AGAP1: variants seen among roughly 807,000 people sequenced by gnomAD.
AGAP1 encodes ArfGAP with GTPase domain, ankyrin repeat and PH domain 1, also known as arf-GAP with GTPase, ANK repeat and PH domain-containing protein 1.
AGAP1 carries 29 observed loss-of-function variants against 105.3 expected under a neutral mutation model. That is an observed-to-expected ratio of 0.28 (90% CI 0.21 to 0.38). The LOEUF (loss-of-function observed/expected upper bound fraction) is 0.38, where lower values mean the gene tolerates loss of function less well. AGAP1 is among the 10% of genes least tolerant of loss of function. The probability of loss-of-function intolerance (pLI) is 1.00; values close to 1 mark genes in which losing one functional copy is unlikely to be tolerated. For synonymous variants in AGAP1, 509 were observed against 485.9 expected (o/e 1.05, Z -0.63); for missense variants, 998 against 1,165.1 (o/e 0.86, Z 2.09).
rs185770990 is a variant in AGAP1, at chr2:235,993,430, G to A, written c.1645+24807G>A. On this transcript the variant is annotated intron_variant, in intron 13 of 17. Transcript: ENST00000304032. This position sits in a 1 kb window ranked among gnomAD's most constrained non-coding sequence, Gnocchi z 5.0. ...TGAAAGTCCAGCACAGTGTGTGCAC[G>A]TGGTATGTCCCTGATGGAAACTGCT... Among the ~76,000 whole-genome samples the A allele has an allele frequency of 5.7e-4, 87 of 152,334 alleles. No homozygotes were observed. Among genetic ancestry groups the A allele is most frequent in the African/African-American group, 1.9e-3 (80 of 41,588 alleles).
In AGAP1 at chr2:235,599,149, C is replaced by T. The variant is rs147934774; in HGVS notation, c.163+104300C>T. 6.6e-5 allele frequency among the ~76,000 whole-genome samples: 10 copies of T among 152,298 alleles called. No homozygotes were observed. Among genetic ancestry groups the T allele is most frequent in the African/African-American group, 1.7e-4 (7 of 41,570 alleles). ...TTTTCCTTGTGGAGAACTTACTTGA[C>T]GCCAACAAAGAAATTTCTAGCTGCT... is the stretch of plus-strand genomic sequence containing the variant. On this transcript the variant is annotated intron_variant, in intron 1 of 17. Coordinates refer to ENST00000304032, the MANE Select transcript of AGAP1 (RefSeq NM_001037131.3). The surrounding 1 kb of genome is among the most constrained non-coding windows in gnomAD (Gnocchi z 5.3).
At chr2:235,630,296 C>T (rs1946784867) in intron 1 of AGAP1, among the ~76,000 whole-genome samples, 1 of 152,114 alleles carries the variant, frequency 6.6e-6, no homozygotes, top group African/African-American at 2.4e-5. Context: ...TCACTGCAAC[C>T]TCTGCTTCCC....
intron 9 of AGAP1, among the ~76,000 whole-genome samples, chr2:235,849,747 C>T (rs1373878804): frequency 6.6e-6 from 1 of 152,166 alleles, no homozygotes; most frequent in Admixed American, 6.5e-5. Context: ...TAGGGCAAGC[C>T]CTCACTTCTC....
At chr2:235,779,673 C>T (rs1380310345) in intron 6 of AGAP1, among the ~76,000 whole-genome samples, 1 of 152,170 alleles carries the variant, frequency 6.6e-6, no homozygotes, top group African/African-American at 2.4e-5. Flanking sequence ...CCCCTGGTTT[C>T]CTTCAGGTGA....
rs575803524 is a variant in AGAP1 at position 235,879,007 on chromosome 2, G to C, written c.1051-4338G>C. ...TGGCTGGGACACCCAGAGGTTCTGC[G>C]TGGGGAGCAGGTCACCGCCCATCAG... is the stretch of plus-strand genomic sequence containing the variant. On this transcript the variant is annotated intron_variant, in intron 9 of 17. Coordinates refer to ENST00000304032, the MANE Select transcript of AGAP1 (RefSeq NM_001037131.3). This position sits in a 1 kb window ranked among gnomAD's most constrained non-coding sequence, Gnocchi z 5.0. Among the ~76,000 whole-genome samples, 1 of 152,194 alleles carries C rather than the reference G, an allele frequency of 6.6e-6. No homozygotes were observed. Among genetic ancestry groups the C allele is most frequent in the Non-Finnish European group, 1.5e-5 (1 of 68,042 alleles).
Position 236,090,222 on chromosome 2 carries a change from G to A in AGAP1, c.2115-29970G>A, listed in dbSNP as rs570084440. 9.9e-5 allele frequency among the ~76,000 whole-genome samples: 15 copies of A among 152,270 alleles called. No homozygotes were observed. The highest frequency in any genetic ancestry group is 9.2e-4 in the Admixed American group (14 of 15,290). Reference sequence around the variant, plus strand: ...GGGTAGAAATGGCAGTTTTGTGGTCGTTCGCACCCAGGACTTTGATGTTCC... The same window carrying A: ...GGGTAGAAATGGCAGTTTTGTGGTCATTCGCACCCAGGACTTTGATGTTCC... On this transcript the variant is annotated intron_variant, in intron 16 of 17. Transcript: ENST00000304032. This position sits in a 1 kb window ranked among gnomAD's most constrained non-coding sequence, Gnocchi z 4.3.
intron 1 of AGAP1, among the ~76,000 whole-genome samples, chr2:235,503,807 G>T (rs1941668351): frequency 6.6e-6 from 1 of 152,128 alleles, no homozygotes; most frequent in African/African-American, 2.4e-5. Context: ...TGTTGCCTGG[G>T]CTGGTCTTGA....
intron 13 of AGAP1, among the ~76,000 whole-genome samples, chr2:236,028,148 C>G (rs1318927908): frequency 6.6e-6 from 1 of 152,184 alleles, no homozygotes; most frequent in Non-Finnish European, 1.5e-5. Flanking sequence ...CCTTCCCAAT[C>G]CATGCCTTTA....
At chr2:235,524,633 C>A (rs994308842) in intron 1 of AGAP1, 8 of 173,636 alleles carry the variant, frequency 4.6e-5, no homozygotes, top group African/African-American at 1.4e-4. Flanking sequence ...AACATGCTTA[C>A]CGCTGGAGAG....
At position 235,615,447 on chromosome 2, in the gene AGAP1, T is replaced by A. The variant is rs1559290822; in HGVS notation, c.164-93732T>A. On this transcript the variant is annotated intron_variant, in intron 1 of 17. Transcript: ENST00000304032. The surrounding 1 kb of genome is among the most constrained non-coding windows in gnomAD (Gnocchi z 5.0). The stretch of plus-strand genomic sequence containing the variant: ...CCTGAGCTATTTTTTTTCAAAGCAT[T>A]ATCTCTCTACTGTTTGTAGGCAGAG... 1.3e-5 allele frequency among the ~76,000 whole-genome samples: 2 copies of A among 152,244 alleles called. No homozygotes were observed. The highest frequency in any genetic ancestry group is 1.3e-4 in the Admixed American group (2 of 15,282).
intron 1 of AGAP1, among the ~76,000 whole-genome samples, chr2:235,681,561 TA>T (rs753273772): frequency 2.7e-4 from 41 of 152,324 alleles, no homozygotes; most frequent in Admixed American, 5.2e-4. Context: ...TGTTAAAGTT[TA>T]AAGGCTTTGT....
rs142707893 is a variant in AGAP1 at position 235,861,315 on chromosome 2, G to A, written c.1051-22030G>A. Among the ~76,000 whole-genome samples, 332 of 152,310 alleles carry A rather than the reference G, an allele frequency of 2.2e-3. 2 individuals carry two copies. Among genetic ancestry groups the A allele is most frequent in the African/African-American group, 7.7e-3 (318 of 41,558 alleles). On this transcript the variant is annotated intron_variant, in intron 9 of 17. Coordinates refer to ENST00000304032, the MANE Select transcript of AGAP1 (RefSeq NM_001037131.3). Reference sequence around the variant, plus strand: ...TGGGAACTTGGGAGTGAAATAAGGTGTGGTCTGTTCTATGTGGTCATTTCC... The same window carrying A: ...TGGGAACTTGGGAGTGAAATAAGGTATGGTCTGTTCTATGTGGTCATTTCC...
rs566335626 is a variant in AGAP1 at position 235,806,522 on chromosome 2, C to T, written c.958-717C>T. On this transcript the variant is annotated intron_variant, in intron 8 of 17. Coordinates refer to ENST00000304032, the MANE Select transcript of AGAP1 (RefSeq NM_001037131.3). ...GTTAAAGGTCACCACCCTTCCTGCC[C>T]GGTGGCAGCCACTCGTCGTCCGCAG... 1.9e-4 allele frequency among the ~76,000 whole-genome samples: 29 copies of T among 152,264 alleles called. No homozygotes were observed. The East Asian group carries it at 1.9e-3, about 10-fold the overall frequency.
chr2:235,521,547 C>A (rs1336723630), intron 1 of AGAP1, among the ~76,000 whole-genome samples: 1 of 152,118 alleles, frequency 6.6e-6, no homozygotes, highest in African/African-American at 2.4e-5. Context: ...TATATAACCT[C>A]CTGCTTGGAT....
At position 236,056,365 on chromosome 2, in the gene AGAP1, T is replaced by G. The variant is rs1355973183; in HGVS notation, c.2114+7084T>G. Reference sequence around the variant, plus strand: ...GGTTGAAAATCCTTATCATTTACGTTCTGAAATACGGCCGTCGTGACAATT... The same window carrying G: ...GGTTGAAAATCCTTATCATTTACGTGCTGAAATACGGCCGTCGTGACAATT... On this transcript the variant is annotated intron_variant, in intron 16 of 17. Coordinates refer to ENST00000304032, the MANE Select transcript of AGAP1 (RefSeq NM_001037131.3). The surrounding 1 kb of genome is among the most constrained non-coding windows in gnomAD (Gnocchi z 4.6). Among the ~76,000 whole-genome samples the G allele has an allele frequency of 6.6e-6, 1 of 152,194 alleles. No homozygotes were observed. Among genetic ancestry groups the G allele is most frequent in the Non-Finnish European group, 1.5e-5 (1 of 68,026 alleles).
chr2:235,884,451 T>TG (rs1158937643), intron 10 of AGAP1, among the ~76,000 whole-genome samples: 5 of 130,490 alleles, frequency 3.8e-5, no homozygotes, highest in African/African-American at 1.5e-4. Flanking sequence ...TATTTTTCAC[T>TG]GTTTTTTTTT....
intron 1 of AGAP1, among the ~76,000 whole-genome samples, chr2:235,593,166 C>T (rs1387880169): frequency 3.9e-5 from 6 of 152,116 alleles, no homozygotes; most frequent in South Asian, 4.1e-4. Flanking sequence ...ATTGGAATCA[C>T]CTGTGGCTCT....
chr2:235,671,190 C>A, intron 1 of AGAP1: 1 of 1,046,390 alleles, frequency 9.6e-7, no homozygotes, highest in Non-Finnish European at 1.2e-6. Flanking sequence ...AACTCGGGTA[C>A]TGCGGTTTTC....
intron 16 of AGAP1, among the ~76,000 whole-genome samples, chr2:236,057,553 C>T (rs554461476): frequency 2.0e-5 from 3 of 151,960 alleles, no homozygotes; most frequent in Non-Finnish European, 2.9e-5. Context: ...GGGTTAGAGC[C>T]CCCCCCTCAA....
Sources: allele counts gnomAD v4.1 joint callset (sites outside exome capture counted in the v4.1 genomes callset), GRCh38; gene constraint gnomAD v4.1.1; non-coding constraint Gnocchi (gnomAD v3.1); transcripts MANE v1.5; gene names NCBI Gene and HGNC (gene_info 2026-07-23, HGNC 2026-07-21).